Variants in NALCN observed in about 807,000 individuals in gnomAD.
NALCN encodes the protein sodium leak channel NALCN.
In NALCN, 111 loss-of-function variants were observed where a neutral mutation model predicts 225.3. The observed-to-expected ratio is 0.49, with a 90% CI of 0.42 to 0.58. The LOEUF (loss-of-function observed/expected upper bound fraction) is 0.58, where lower values mean the gene tolerates loss of function less well. Ranked by LOEUF, NALCN falls within the 20% of genes least tolerant of loss-of-function variation. NALCN has a pLI of 0.00. For synonymous variants in NALCN, 764 were observed against 769.0 expected (o/e 0.99, Z 0.11); for missense variants, 1,378 against 2,202.4 (o/e 0.63, Z 7.49).
At chr13:101,229,725 T>C (rs1370385910) in intron 12 of NALCN, 141 bp from the exon 13 acceptor site, 5 of 648,936 alleles carry the variant, frequency 7.7e-6, no homozygotes, top group Non-Finnish European at 1.1e-5. Context: ...GTGACTAAAA[T>C]TAACAATAGA....
intron 6 of NALCN, among the ~76,000 whole-genome samples, 200 bp downstream of exon 6, chr13:101,376,500 A>G (rs1168640196): frequency 2.0e-5 from 3 of 151,204 alleles, no homozygotes; most frequent in Non-Finnish European, 4.4e-5. Flanking sequence ...CTCATGACAG[A>G]GCGAGACTCC....
intron 40 of NALCN, among the ~76,000 whole-genome samples, chr13:101,063,726 C>CT (rs111813942): frequency 1.4e-3 from 198 of 146,318 alleles, no homozygotes; most frequent in African/African-American, 3.3e-3. Flanking sequence ...TGATCTGATC[C>CT]TTTTTTTTTT....
At chr13:101,406,577 T>C (rs762138987) in intron 1 of NALCN, among the ~76,000 whole-genome samples, 25 of 152,210 alleles carry the variant, frequency 1.6e-4, no homozygotes, top group Middle Eastern at 3.2e-3. Flanking sequence ...AGTACAGACA[T>C]TTCTCATCTC....
chr13:101,233,757 A>T (rs2041444087), intron 12 of NALCN, among the ~76,000 whole-genome samples: 1 of 152,126 alleles, frequency 6.6e-6, no homozygotes, highest in Non-Finnish European at 1.5e-5. Flanking sequence ...ATGAGAAACA[A>T]ATGAGACAAT....
At chr13:101,373,032 A>G in intron 6 of NALCN, 1 of 386,108 alleles carries the variant, frequency 2.6e-6, no homozygotes, top group Middle Eastern at 3.6e-4. Flanking sequence ...GACATTCAAA[A>G]GATAATCAGA....
chr13:101,326,576 G>A (rs763227395), intron 7 of NALCN, among the ~76,000 whole-genome samples: 6 of 152,118 alleles, frequency 3.9e-5, no homozygotes, highest in Non-Finnish European at 8.8e-5. Flanking sequence ...ATTTTTAGTT[G>A]GAATGATTTG....
intron 27 of NALCN, 63 bp downstream of exon 27, chr13:101,100,721 A>T: frequency 7.4e-7 from 1 of 1,359,314 alleles, no homozygotes; most frequent in Non-Finnish European, 1.0e-6. Context: ...CTAGGATTGT[A>T]GGCACATGCC....
chr13:101,234,851 TCA>T (rs2041491178), intron 12 of NALCN, among the ~76,000 whole-genome samples: 2 of 89,246 alleles, frequency 2.2e-5, no homozygotes, highest in Non-Finnish European at 4.3e-5. Flanking sequence ...TATCTATCTA[TCA>T]TCTACCTATC....
intron 15 of NALCN, among the ~76,000 whole-genome samples, chr13:101,149,272 G>C (rs2037517213): frequency 7.3e-6 from 1 of 136,724 alleles, no homozygotes; most frequent in Non-Finnish European, 1.6e-5. Context: ...CAGCCTGGGG[G>C]ACACAGCGAG....
Position 101,089,849 on chromosome 13 carries a change from C to T in NALCN, c.3387G>A (p.Gly1129=), listed in dbSNP as rs1432267861. The change falls in exon 29 of 44, where the codon GGG becomes GGA. Residue 1129 remains glycine, a synonymous_variant. Transcript: ENST00000251127. The surrounding 1 kb of genome is among the most constrained non-coding windows in gnomAD (Gnocchi z 4.7). ...AGGATTCGATGTGCTCGCTTACCGGCCCCACACGATGAATAATAACATCTC... is the reference window on the plus strand; with the variant it reads ...AGGATTCGATGTGCTCGCTTACCGGTCCCACACGATGAATAATAACATCTC... The part of the protein sequence containing the change: ...EVRDVIIHRV[G]PIHGIYIHVF... 1.2e-6 allele frequency: 2 copies of T among 1,614,028 alleles called. No individual in the cohort carries two copies. Among genetic ancestry groups the T allele is most frequent in the Non-Finnish European group, 1.7e-6 (2 of 1,179,918 alleles).
At chr13:101,316,853 GA>G (rs973966373) in intron 7 of NALCN, among the ~76,000 whole-genome samples, 4 of 151,668 alleles carry the variant, frequency 2.6e-5, no homozygotes, top group Non-Finnish European at 4.4e-5. Context: ...AGATTTATGA[GA>G]AAAAAAATGC....
At chr13:101,313,989 T>C (rs2044455445) in intron 7 of NALCN, among the ~76,000 whole-genome samples, 2 of 151,710 alleles carry the variant, frequency 1.3e-5, no homozygotes, top group African/African-American at 4.8e-5. Context: ...CCATAAAAAA[T>C]GAAGAGTTCA....
At chr13:101,313,169 A>G (rs1317269776) in intron 7 of NALCN, among the ~76,000 whole-genome samples, 2 of 152,126 alleles carry the variant, frequency 1.3e-5, no homozygotes, top group Non-Finnish European at 2.9e-5. Context: ...TACACCTTAT[A>G]CAAAAATTAA....
intron 10 of NALCN, among the ~76,000 whole-genome samples, chr13:101,276,086 A>T (rs2042963696): frequency 1.5e-5 from 2 of 132,976 alleles, no homozygotes; most frequent in Non-Finnish European, 3.2e-5. Context: ...AAAAAAAAAA[A>T]AAAAAAGGAA....
intron 14 of NALCN, among the ~76,000 whole-genome samples, chr13:101,184,090 A>G (rs1013711941): frequency 3.9e-5 from 6 of 152,242 alleles, no homozygotes; most frequent in Non-Finnish European, 7.3e-5. Flanking sequence ...ATATTGATAC[A>G]TTATGAATCA....
intron 39 of NALCN, among the ~76,000 whole-genome samples, chr13:101,066,890 G>A (rs1037313106): frequency 6.6e-6 from 1 of 152,000 alleles, no homozygotes; most frequent in Non-Finnish European, 1.5e-5. Flanking sequence ...AACTTTCCTT[G>A]TTGTTCAGAC....
intron 6 of NALCN, among the ~76,000 whole-genome samples, chr13:101,373,454 A>G (rs2046598882): frequency 6.6e-6 from 1 of 152,318 alleles, no homozygotes; most frequent in Admixed American, 6.5e-5. Flanking sequence ...AGAGGAATAC[A>G]ATATGACCAA....
chr13:101,335,138 G>A (rs905047274), intron 7 of NALCN, among the ~76,000 whole-genome samples: 2 of 152,000 alleles, frequency 1.3e-5, no homozygotes, highest in African/African-American at 4.8e-5. Flanking sequence ...TCCTTTCACT[G>A]TCTGATGAAA....
At chr13:101,188,055 C>T (rs141434954) in intron 14 of NALCN, among the ~76,000 whole-genome samples, 218 of 152,156 alleles carry the variant, frequency 1.4e-3, no homozygotes, top group African/African-American at 4.9e-3. Context: ...GGACATATAT[C>T]CTAGAGAAAT....
Sources: gnomAD v4.1 joint callset for allele counts (sites outside exome capture counted in the v4.1 genomes callset) on GRCh38, gnomAD v4.1.1 for gene constraint, Gnocchi (gnomAD v3.1) non-coding constraint, MANE v1.5 for transcripts, NCBI Gene and HGNC (gene_info 2026-07-23, HGNC 2026-07-21) for gene names.